Variants in ARHGAP26 observed in about 807,000 individuals in gnomAD.
ARHGAP26 encodes rho GTPase-activating protein 26.
A neutral mutation model predicts 104.8 loss-of-function variants in ARHGAP26; 38 were observed. That is an observed-to-expected ratio of 0.36 (90% CI 0.28 to 0.48). ARHGAP26 has a LOEUF of 0.48. Among genes scored for constraint, ARHGAP26 ranks in the 20% least tolerant of loss-of-function variants. The pLI is 0.99. For missense variants in ARHGAP26, 704 were observed against 947.9 expected (o/e 0.74, Z 3.38); for synonymous variants, 341 against 340.0 (o/e 1.00, Z -0.03).
intron 1 of ARHGAP26, among the ~76,000 whole-genome samples, chr5:142,810,169 C>T (rs1241937306): frequency 6.6e-6 from 1 of 152,118 alleles, no homozygotes; most frequent in Non-Finnish European, 1.5e-5. Context: ...TTAGTTTTGT[C>T]TGGGAGGGGC....
intron 1 of ARHGAP26, among the ~76,000 whole-genome samples, chr5:142,843,754 C>T (rs1290736694): frequency 6.6e-6 from 1 of 152,146 alleles, no homozygotes; most frequent in East Asian, 1.9e-4. Flanking sequence ...TCTCTCATAA[C>T]CTCTACCTTC....
At chr5:143,148,093 C>T (rs77104676) in intron 20 of ARHGAP26, among the ~76,000 whole-genome samples, 305 of 152,242 alleles carry the variant, frequency 2.0e-3, no homozygotes, top group Non-Finnish European at 3.9e-3. Context: ...TGTCAACTAG[C>T]GCCTTTGCAG....
intron 4 of ARHGAP26, among the ~76,000 whole-genome samples, chr5:142,881,344 G>A (rs1231730460): frequency 2.0e-5 from 3 of 152,162 alleles, no homozygotes; most frequent in African/African-American, 7.2e-5. Flanking sequence ...AAGGAGGTGA[G>A]GCAAGAGTCT....
chr5:143,129,562 G>A (rs1194946704), intron 18 of ARHGAP26, among the ~76,000 whole-genome samples: 1 of 152,178 alleles, frequency 6.6e-6, no homozygotes, highest in Non-Finnish European at 1.5e-5. Context: ...AGACAGTCAA[G>A]CCATCTAGGT....
At chr5:143,007,197 A>G (rs1778114453) in intron 11 of ARHGAP26, among the ~76,000 whole-genome samples, 1 of 140,274 alleles carries the variant, frequency 7.1e-6, no homozygotes, top group African/African-American at 3.0e-5. Flanking sequence ...TGTCTCCGAA[A>G]AAAAAAAAAA....
intron 1 of ARHGAP26, among the ~76,000 whole-genome samples, chr5:142,865,805 G>C (rs943333055): frequency 9.9e-5 from 15 of 152,150 alleles, no homozygotes; most frequent in African/African-American, 3.1e-4. Context: ...TTGGCATACA[G>C]GTCCTTCCAT....
chr5:142,787,998 T>C (rs994116872), intron 1 of ARHGAP26, among the ~76,000 whole-genome samples: 1 of 150,656 alleles, frequency 6.6e-6, no homozygotes, highest in Admixed American at 6.6e-5. Flanking sequence ...ACCAATTCTT[T>C]TTTTTTTTTT....
chr5:143,142,458 A>G (rs920732746), intron 19 of ARHGAP26, among the ~76,000 whole-genome samples: 40 of 152,072 alleles, frequency 2.6e-4, no homozygotes, highest in African/African-American at 9.4e-4. Context: ...AACTCAATGT[A>G]TAGAGTCTAT....
At chr5:143,160,730 C>A (rs1037581757) in intron 20 of ARHGAP26, among the ~76,000 whole-genome samples, 2 of 152,140 alleles carry the variant, frequency 1.3e-5, no homozygotes, top group Admixed American at 1.3e-4. Context: ...CCTCCCACCT[C>A]GGCATCCCAA....
intron 11 of ARHGAP26, among the ~76,000 whole-genome samples, chr5:143,000,302 A>G (rs1371450710): frequency 6.6e-6 from 1 of 152,272 alleles, no homozygotes; most frequent in African/African-American, 2.4e-5. Flanking sequence ...GTGAAAACAC[A>G]TGTCTTCAAA....
intron 11 of ARHGAP26, among the ~76,000 whole-genome samples, chr5:142,965,724 C>T (rs1022832427): frequency 2.0e-5 from 3 of 152,196 alleles, no homozygotes; most frequent in African/African-American, 2.4e-5. Flanking sequence ...TATACTGGAA[C>T]AGCTCGTGTC....
intron 1 of ARHGAP26, among the ~76,000 whole-genome samples, chr5:142,786,099 T>G (rs1758561670): frequency 6.6e-6 from 1 of 151,990 alleles, no homozygotes; most frequent in South Asian, 2.1e-4. Flanking sequence ...GCCTCCCAAG[T>G]AGCCAGAACT....
chr5:143,123,323 T>G (rs1796352375), intron 18 of ARHGAP26, among the ~76,000 whole-genome samples: 1 of 152,266 alleles, frequency 6.6e-6, no homozygotes, highest in Non-Finnish European at 1.5e-5. Context: ...CCTTTTTCAC[T>G]GTAGCTTCAG....
At chr5:142,897,996 C>T (rs1598142345) in intron 6 of ARHGAP26, among the ~76,000 whole-genome samples, 1 of 152,102 alleles carries the variant, frequency 6.6e-6, no homozygotes. Flanking sequence ...TGTAAGGGAC[C>T]TCTATGCAAA....
rs899530596 is a variant in ARHGAP26 at position 142,799,172 on chromosome 5, G to A, written c.154+28257G>A. On this transcript the variant is annotated intron_variant, in intron 1 of 22. Transcript: ENST00000645722. ...ACTCTTATAGCGGTGAATGGTATTA[G>A]GAGTAACAACTGTGGTGGGTTTTTT... Among the ~76,000 whole-genome samples the A allele has an allele frequency of 9.2e-5, 14 of 152,080 alleles. No homozygotes were observed. The South Asian group carries it at 1.2e-3, about 13-fold the overall frequency.
intron 12 of ARHGAP26, among the ~76,000 whole-genome samples, chr5:143,028,078 A>G (rs575520457): frequency 6.6e-6 from 1 of 152,328 alleles, no homozygotes; most frequent in Non-Finnish European, 1.5e-5. Context: ...GAGTTAAATA[A>G]AATCTTGGTT....
At chr5:142,984,916 ACTT>A (rs1030804377) in intron 11 of ARHGAP26, among the ~76,000 whole-genome samples, 5 of 145,668 alleles carry the variant, frequency 3.4e-5, no homozygotes, top group Non-Finnish European at 7.6e-5. Flanking sequence ...TACCCCTTCT[ACTT>A]ATTAAAAAAA....
At chr5:143,041,721 T>TG (rs1783491398) in intron 13 of ARHGAP26, 95 bp from the exon 14 acceptor site, 3 of 626,006 alleles carry the variant, frequency 4.8e-6, no homozygotes. Flanking sequence ...ACTGAGAAAA[T>TG]GAAAAAAAAA....
intron 20 of ARHGAP26, among the ~76,000 whole-genome samples, chr5:143,181,274 G>A (rs1261248327): frequency 1.3e-5 from 2 of 152,200 alleles, no homozygotes; most frequent in African/African-American, 4.8e-5. Context: ...GGAGGCCTGG[G>A]TGACCTACTC....
Sources: gnomAD v4.1 joint callset for allele counts (sites outside exome capture counted in the v4.1 genomes callset) on GRCh38, gnomAD v4.1.1 for gene constraint, MANE v1.5 for transcripts, NCBI Gene and HGNC (gene_info 2026-07-23, HGNC 2026-07-21) for gene names.